CSMD1: variants seen among roughly 807,000 people sequenced by gnomAD.
CSMD1 encodes the protein CUB and Sushi multiple domains 1.
A neutral mutation model predicts 417.5 loss-of-function variants in CSMD1; 213 were observed. The observed-to-expected ratio is 0.51, with a 90% CI of 0.46 to 0.57. The LOEUF (loss-of-function observed/expected upper bound fraction) is 0.57. Ranked by LOEUF, CSMD1 falls within the 20% of genes least tolerant of loss-of-function variation. The pLI is 0.00. For missense variants in CSMD1, 6,923 were observed against 4,529.7 expected (o/e 1.53, Z -15.17); for synonymous variants, 2,862 against 1,736.8 (o/e 1.65, Z -16.11).
chr8:4,099,812 C>T (rs894192331), intron 3 of CSMD1, among the ~76,000 whole-genome samples: 4 of 152,134 alleles, frequency 2.6e-5, no homozygotes, highest in African/African-American at 7.2e-5. Context: ...TACTTTAAAT[C>T]CCTGATTGTA....
chr8:3,039,788 C>G (rs7010179), intron 50 of CSMD1, among the ~76,000 whole-genome samples: 48,973 of 151,802 alleles, frequency 0.32, 8,331 homozygotes, highest in East Asian at 0.46. Context: ...AGAGATTAGA[C>G]TTAATTTAAG....
intron 2 of CSMD1, among the ~76,000 whole-genome samples, chr8:4,632,776 C>A (rs1159418957): frequency 1.3e-5 from 2 of 152,062 alleles, no homozygotes; most frequent in Non-Finnish European, 2.9e-5. Context: ...GTTTGGAATG[C>A]CTAGGGAAGA....
chr8:4,750,332 T>C (rs1811234725), intron 1 of CSMD1, among the ~76,000 whole-genome samples: 1 of 152,182 alleles, frequency 6.6e-6, no homozygotes, highest in Non-Finnish European at 1.5e-5. Flanking sequence ...CTCACCTCTC[T>C]AGAAACTGCT....
intron 3 of CSMD1, among the ~76,000 whole-genome samples, chr8:4,040,571 T>C (rs1244463517): frequency 6.6e-6 from 1 of 152,220 alleles, no homozygotes; most frequent in African/African-American, 2.4e-5. Flanking sequence ...GTGTTCACAA[T>C]GGAGGTTAGT....
chr8:3,811,005 G>A (rs960397029), intron 5 of CSMD1, among the ~76,000 whole-genome samples: 1 of 152,124 alleles, frequency 6.6e-6, no homozygotes, highest in Non-Finnish European at 1.5e-5. Flanking sequence ...AATTAACACT[G>A]TTCCATCCGT....
chr8:4,593,542 T>C (rs1483240639), intron 2 of CSMD1, among the ~76,000 whole-genome samples: 3 of 152,192 alleles, frequency 2.0e-5, no homozygotes, highest in African/African-American at 7.2e-5. Context: ...AAGTGACTAT[T>C]TGTAGCACTT....
chr8:4,279,221 A>G (rs946628667), intron 3 of CSMD1, among the ~76,000 whole-genome samples: 1 of 149,432 alleles, frequency 6.7e-6, no homozygotes, highest in Non-Finnish European at 1.5e-5. Context: ...CACACACACA[A>G]TTAAGCAGTC....
intron 3 of CSMD1, among the ~76,000 whole-genome samples, chr8:4,051,793 A>C (rs1350434560): frequency 6.6e-6 from 1 of 152,176 alleles, no homozygotes; most frequent in Non-Finnish European, 1.5e-5. Context: ...GGTGTGATGG[A>C]CACCATACAA....
At chr8:4,840,403 C>A (rs77591440) in intron 1 of CSMD1, among the ~76,000 whole-genome samples, 3 of 152,088 alleles carry the variant, frequency 2.0e-5, no homozygotes, top group Non-Finnish European at 1.5e-5. Context: ...GAACATATGT[C>A]GAAAACATTT....
intron 2 of CSMD1, among the ~76,000 whole-genome samples, chr8:4,535,036 C>G (rs890946784): frequency 1.3e-5 from 2 of 152,180 alleles, no homozygotes; most frequent in African/African-American, 2.4e-5. Context: ...GCTGGGATTA[C>G]AGGCGTGAGC....
At chr8:4,445,114 G>A (rs547893039) in intron 2 of CSMD1, among the ~76,000 whole-genome samples, 8 of 152,174 alleles carry the variant, frequency 5.3e-5, no homozygotes, top group Non-Finnish European at 8.8e-5. Context: ...AAAAAAGTAT[G>A]ACTGGATAGT....
intron 1 of CSMD1, among the ~76,000 whole-genome samples, chr8:4,895,483 T>C (rs935491258): frequency 3.9e-5 from 6 of 152,176 alleles, no homozygotes; most frequent in African/African-American, 1.4e-4. Context: ...ATTTGTCTAG[T>C]ACATGTTTTC....
rs564974965 is a variant in CSMD1, at chr8:4,676,796, T to G, written c.86-39238A>C. ...CTTTTCTTTGTTCTCTTCAGCGAGT[T>G]GCTCATTTTATAAAATGGCTTTGAA... On this transcript the variant is annotated intron_variant, in intron 1 of 69. Transcript: ENST00000635120. Among the ~76,000 whole-genome samples the G allele has an allele frequency of 9.8e-4, 149 of 152,018 alleles. 1 individual carries two copies. The highest frequency in any genetic ancestry group is 9.8e-3 in the Admixed American group (149 of 15,248).
intron 1 of CSMD1, among the ~76,000 whole-genome samples, chr8:4,707,427 T>C (rs1808010923): frequency 6.6e-6 from 1 of 152,180 alleles, no homozygotes; most frequent in South Asian, 2.1e-4. Flanking sequence ...GATCACATAG[T>C]GCAGGAATGC....
chr8:4,322,842 C>A (rs1313313221), intron 3 of CSMD1, among the ~76,000 whole-genome samples: 1 of 152,042 alleles, frequency 6.6e-6, no homozygotes, highest in Non-Finnish European at 1.5e-5. Context: ...TACAAACACA[C>A]AAAAATTAGC....
At chr8:4,027,959 T>C (rs1797149162) in intron 4 of CSMD1, among the ~76,000 whole-genome samples, 1 of 152,150 alleles carries the variant, frequency 6.6e-6, no homozygotes, top group Non-Finnish European at 1.5e-5. Flanking sequence ...AAAGAATATA[T>C]TTAGGATGCC....
intron 50 of CSMD1, among the ~76,000 whole-genome samples, chr8:3,036,938 A>G (rs560389486): frequency 6.6e-6 from 1 of 152,276 alleles, no homozygotes; most frequent in African/African-American, 2.4e-5. Context: ...TGTGCACTGT[A>G]TCCAATATGT....
intron 40 of CSMD1, among the ~76,000 whole-genome samples, chr8:3,148,078 G>C (rs1401698499): frequency 6.6e-6 from 1 of 152,036 alleles, no homozygotes; most frequent in African/African-American, 2.4e-5. Context: ...TAGGAAATAG[G>C]GGACCCTTTT....
chr8:3,445,570 C>T (rs184226793), intron 12 of CSMD1, among the ~76,000 whole-genome samples: 15 of 152,040 alleles, frequency 9.9e-5, no homozygotes, highest in East Asian at 1.9e-4. Context: ...TATGAAAGTG[C>T]GGATGATGAA....
Sources: allele counts gnomAD v4.1 joint callset (sites outside exome capture counted in the v4.1 genomes callset), GRCh38; gene constraint gnomAD v4.1.1; transcripts MANE v1.5; gene names NCBI Gene and HGNC (gene_info 2026-07-23, HGNC 2026-07-21).